Variants in CNTNAP2 observed in about 807,000 individuals in gnomAD.
CNTNAP2 encodes contactin associated protein 2.
CNTNAP2 carries 98 observed loss-of-function variants against 155.2 expected under a neutral mutation model. The observed-to-expected ratio is 0.63, with a 90% CI of 0.54 to 0.75. CNTNAP2 has a LOEUF of 0.75. Ranked by LOEUF, CNTNAP2 falls within the 30% of genes least tolerant of loss-of-function variation. CNTNAP2 has a pLI of 0.00. For synonymous variants in CNTNAP2, 651 were observed against 631.2 expected (o/e 1.03, Z -0.47); for missense variants, 1,727 against 1,688.1 (o/e 1.02, Z -0.40).
chr7:147,398,944 T>C (rs1049109791), intron 10 of CNTNAP2, among the ~76,000 whole-genome samples: 2 of 151,874 alleles, frequency 1.3e-5, no homozygotes, highest in Non-Finnish European at 2.9e-5. Flanking sequence ...AAGCCTGGCA[T>C]GTCAGTAGAT....
At chr7:147,033,403 C>A (rs1023819247) in intron 3 of CNTNAP2, among the ~76,000 whole-genome samples, 2 of 151,576 alleles carry the variant, frequency 1.3e-5, no homozygotes, top group African/African-American at 4.8e-5. Context: ...TCTCTGACAT[C>A]TAGCCACATT....
chr7:148,034,833 T>A (rs531224028), intron 15 of CNTNAP2, among the ~76,000 whole-genome samples: 1 of 152,162 alleles, frequency 6.6e-6, no homozygotes, highest in African/African-American at 2.4e-5. Context: ...ATTACTAAGT[T>A]GTTGTGATCA....
At chr7:147,636,229 G>A (rs17170624) in intron 12 of CNTNAP2, among the ~76,000 whole-genome samples, 13,648 of 152,090 alleles carry the variant, frequency 0.09, 1,701 homozygotes, top group African/African-American at 0.26. Context: ...GAACTTTTCT[G>A]ATTGATTCAA....
At chr7:147,668,629 G>T (rs76073908) in intron 13 of CNTNAP2, among the ~76,000 whole-genome samples, 3,428 of 152,090 alleles carry the variant, frequency 0.023, 144 homozygotes, top group African/African-American at 0.077. Flanking sequence ...AAAAATTAAA[G>T]ATTGAAAAAA....
intron 1 of CNTNAP2, among the ~76,000 whole-genome samples, chr7:146,764,235 T>C (rs143874673): frequency 0.013 from 2,048 of 152,226 alleles, 18 homozygotes; most frequent in Middle Eastern, 0.024. Flanking sequence ...AGATTATTGG[T>C]TTATTAAAAG....
chr7:147,019,284 C>T (rs1285522164), intron 3 of CNTNAP2, among the ~76,000 whole-genome samples: 1 of 151,980 alleles, frequency 6.6e-6, no homozygotes, highest in Non-Finnish European at 1.5e-5. Context: ...GTGCTGTCTC[C>T]TTGGGCTTGT....
intron 1 of CNTNAP2, among the ~76,000 whole-genome samples, chr7:146,555,543 C>T (rs368967105): frequency 6.0e-5 from 9 of 150,686 alleles, no homozygotes; most frequent in East Asian, 2.0e-4. Context: ...TCTATCTATG[C>T]GATATCTATC....
chr7:146,722,524 T>C (rs1318419121), intron 1 of CNTNAP2, among the ~76,000 whole-genome samples: 5 of 152,176 alleles, frequency 3.3e-5, no homozygotes, highest in Admixed American at 2.0e-4. Context: ...CATTAATAGT[T>C]TAGGAATTTT....
intron 13 of CNTNAP2, among the ~76,000 whole-genome samples, chr7:147,640,788 G>A (rs948680134): frequency 2.0e-5 from 3 of 152,142 alleles, no homozygotes; most frequent in Non-Finnish European, 2.9e-5. Context: ...GAGAGAGGAA[G>A]GGATTCCAAT....
intron 18 of CNTNAP2, among the ~76,000 whole-genome samples, chr7:148,195,367 G>GA (rs531494008): frequency 2.3e-3 from 350 of 152,124 alleles, no homozygotes; most frequent in Non-Finnish European, 4.2e-3. Context: ...TTCCATCTCT[G>GA]AAAAAAATAG....
At chr7:147,875,563 T>G (rs1417412504) in intron 13 of CNTNAP2, among the ~76,000 whole-genome samples, 1 of 152,006 alleles carries the variant, frequency 6.6e-6, no homozygotes, top group Non-Finnish European at 1.5e-5. Context: ...TTCCAGTGAA[T>G]AGACCTGGGG....
intron 1 of CNTNAP2, among the ~76,000 whole-genome samples, chr7:146,595,758 A>G (rs961633659): frequency 3.9e-5 from 6 of 152,064 alleles, no homozygotes; most frequent in Non-Finnish European, 8.8e-5. Flanking sequence ...ATGCTGCTTG[A>G]TGGTAGAGCA....
chr7:146,765,759 T>G (rs1005826670), intron 1 of CNTNAP2, among the ~76,000 whole-genome samples: 2 of 152,210 alleles, frequency 1.3e-5, no homozygotes, highest in African/African-American at 4.8e-5. Context: ...AGACAGAAAT[T>G]GAGTTGGTTA....
intron 15 of CNTNAP2, among the ~76,000 whole-genome samples, chr7:148,052,070 C>T (rs1047813804): frequency 2.7e-5 from 4 of 146,328 alleles, no homozygotes; most frequent in Admixed American, 1.4e-4. Context: ...ACCCAGGAGG[C>T]GGAGCTTGCA....
chr7:148,362,213 A>AC (rs1554424294), intron 21 of CNTNAP2, among the ~76,000 whole-genome samples: 49,732 of 150,640 alleles, frequency 0.33, 8,768 homozygotes, highest in Non-Finnish European at 0.39. Flanking sequence ...AAAAAAACAA[A>AC]AAACAAAACC....
chr7:146,550,418 T>TTGTTG lies in CNTNAP2; in HGVS notation c.98-223852_98-223851insGTTGT, dbSNP rs1554447449. On this transcript the variant is annotated intron_variant, in intron 1 of 23. Transcript: ENST00000361727. ...ATTAATCTGTTTTTTTTTTTTTTTT[T>TTGTTG]TTTTTTTTTTTATAAAGTACCCGAG... Among the ~76,000 whole-genome samples the TTGTTG allele has an allele frequency of 3.6e-5, 5 of 139,828 alleles. No individual in the cohort carries two copies. In the East Asian group the frequency reaches 8.4e-4, roughly 23 times the overall value. The allele number at this position is 139,828 out of a possible 152,430, so 91.7% of individuals were successfully genotyped here.
chr7:146,129,389 C>T (rs1037777718), intron 1 of CNTNAP2, among the ~76,000 whole-genome samples: 2 of 152,094 alleles, frequency 1.3e-5, no homozygotes, highest in South Asian at 2.1e-4. Flanking sequence ...TTCAGAGGAT[C>T]TCTCATGCTG....
chr7:147,446,190 G>A lies in CNTNAP2; in HGVS notation c.1671-39745G>A, dbSNP rs562180793. 3.6e-4 allele frequency among the ~76,000 whole-genome samples: 53 copies of A among 147,346 alleles called. No homozygotes were observed. The South Asian group carries it at 6.7e-3, about 19-fold the overall frequency. On this transcript the variant is annotated intron_variant, in intron 10 of 23. Coordinates refer to ENST00000361727, the MANE Select transcript of CNTNAP2 (RefSeq NM_014141.6). ...CTCTCTTGCTGTTGCTCTCACTGTC[G>A]GCCTCCTCTCTCCTCCCCCCACCCC...
intron 3 of CNTNAP2, among the ~76,000 whole-genome samples, chr7:147,040,107 A>G (rs1039905196): frequency 6.6e-6 from 1 of 152,226 alleles, no homozygotes; most frequent in Non-Finnish European, 1.5e-5. Context: ...ACAAATTTAC[A>G]AGAGTAAAAC....
Sources: allele counts gnomAD v4.1 joint callset (sites outside exome capture counted in the v4.1 genomes callset), GRCh38; gene constraint gnomAD v4.1.1; transcripts MANE v1.5; gene names NCBI Gene and HGNC (gene_info 2026-07-23, HGNC 2026-07-21).